EZH2: variants seen among roughly 807,000 people sequenced by gnomAD.
EZH2 encodes histone-lysine N-methyltransferase EZH2.
In EZH2, 18 loss-of-function variants were observed where a neutral mutation model predicts 98.4. The ratio of observed to expected loss-of-function variants is 0.18; its 90% CI spans 0.13 to 0.27. The LOEUF is 0.27. Among genes scored for constraint, EZH2 ranks in the 10% least tolerant of loss-of-function variants. The pLI is 1.00. For missense variants in EZH2, 470 were observed against 935.1 expected (o/e 0.50, Z 6.49); for synonymous variants, 338 against 312.3 (o/e 1.08, Z -0.87).
intron 1 of EZH2, among the ~76,000 whole-genome samples, chr7:148,855,945 T>C (rs1290301948): frequency 1.4e-5 from 2 of 140,374 alleles, no homozygotes; most frequent in Non-Finnish European, 3.1e-5. Context: ...ACTACATAAA[T>C]GGCAGATGAG....
chr7:148,861,845 AT>A (rs1245367492), intron 1 of EZH2, among the ~76,000 whole-genome samples: 1 of 151,534 alleles, frequency 6.6e-6, no homozygotes, highest in Non-Finnish European at 1.5e-5. Context: ...GGTGCTTTAC[AT>A]TTTTGCCAAT....
intron 1 of EZH2, among the ~76,000 whole-genome samples, chr7:148,851,782 G>C (rs1284790123): frequency 6.6e-6 from 1 of 152,094 alleles, no homozygotes; most frequent in Non-Finnish European, 1.5e-5. Context: ...GAGGTGGGAG[G>C]ATCTCTTGAG....
At chr7:148,822,290 A>T (rs1465829807) in intron 8 of EZH2, among the ~76,000 whole-genome samples, 1 of 145,038 alleles carries the variant, frequency 6.9e-6, no homozygotes, top group Admixed American at 6.6e-5. Context: ...CGGGCAGATC[A>T]CTTGAGGTCA....
rs17171125 is a variant in EZH2 at position 148,830,587 on chromosome 7, T to G, written c.364-739A>C. Among the ~76,000 whole-genome samples the G allele has an allele frequency of 3.2e-3, 494 of 152,328 alleles. 2 individuals carry two copies. Among genetic ancestry groups the G allele is most frequent in the African/African-American group, 0.011 (474 of 41,570 alleles). ...TTAAAGTTTATGCCAAAAGGATATG[T>G]ACTTATATGTAAAATAAGAACATTC... On this transcript the variant is annotated intron_variant, in intron 4 of 19. Transcript: ENST00000320356.
intron 1 of EZH2, chr7:148,876,285 T>C (rs1045875256): frequency 6.8e-6 from 1 of 146,456 alleles, no homozygotes; most frequent in African/African-American, 2.6e-5. Flanking sequence ...AGACTCCATC[T>C]TGGAGGGAAA....
At chr7:148,824,106 G>A (rs1193323833) in intron 8 of EZH2, among the ~76,000 whole-genome samples, 1 of 151,516 alleles carries the variant, frequency 6.6e-6, no homozygotes, top group Non-Finnish European at 1.5e-5. Context: ...CTTGAGGTCA[G>A]GAGTTCAAGA....
chr7:148,857,273 G>A (rs1816969518), intron 1 of EZH2, among the ~76,000 whole-genome samples: 1 of 152,182 alleles, frequency 6.6e-6, no homozygotes, highest in South Asian at 2.1e-4. Context: ...TAGGAGACAT[G>A]ATAACTAAAT....
At chr7:148,869,769 T>C (rs1819070179) in intron 1 of EZH2, among the ~76,000 whole-genome samples, 1 of 152,198 alleles carries the variant, frequency 6.6e-6, no homozygotes, top group Admixed American at 6.5e-5. Flanking sequence ...AAACACAAGT[T>C]GTTCCATTAT....
intron 15 of EZH2, 135 bp downstream of exon 15, chr7:148,813,824 C>T (rs1260642483): frequency 1.0e-5 from 9 of 890,066 alleles, no homozygotes; most frequent in Non-Finnish European, 1.5e-5. Flanking sequence ...AAATTATGAA[C>T]ACTTTCTCAT....
chr7:148,809,009 C>T lies in EZH2; in HGVS notation c.2195+62G>A, dbSNP rs1584861657. ...AAAGAACTAAAAACCCTCCTTTGTC[C>T]AGAGTTCACAATCCAGTAGAAAAAG... On this transcript the variant is annotated intron_variant, in intron 19 of 19. Coordinates refer to ENST00000320356, the MANE Select transcript of EZH2 (RefSeq NM_004456.5). 3.6e-6 allele frequency: 5 copies of T among 1,379,292 alleles called. No individual in the cohort carries two copies. In the South Asian group the frequency reaches 6.0e-5, roughly 16 times the overall value. The allele number at this position is 1,379,292 out of a possible 1,614,324, so 85.4% of individuals were successfully genotyped here. A position where few individuals can be genotyped will look rare whatever the true frequency, so the allele number is the denominator to read the frequency against.
intron 3 of EZH2, among the ~76,000 whole-genome samples, chr7:148,845,314 T>C (rs902315943): frequency 4.6e-5 from 7 of 152,182 alleles, no homozygotes; most frequent in African/African-American, 1.7e-4. Context: ...AAAGAATCCC[T>C]TTCCCCCATG....
chr7:148,815,714 G>A (rs559511807), intron 12 of EZH2, among the ~76,000 whole-genome samples, 168 bp from the exon 13 acceptor site: 3 of 152,356 alleles, frequency 2.0e-5, no homozygotes, highest in Admixed American at 6.5e-5. Context: ...AACTCAAACA[G>A]CTTGATGGCT....
rs112176133 is a variant in EZH2 at position 148,871,368 on chromosome 7, A to T, written c.-8+12796T>A. 9.9e-3 allele frequency among the ~76,000 whole-genome samples: 1,483 copies of T among 149,394 alleles called. 23 individuals carry two copies. Among genetic ancestry groups the T allele is most frequent in the African/African-American group, 0.035 (1,413 of 40,470 alleles). Reference sequence around the variant, plus strand: ...TATACAGTCATCCCACAGCATATGCAGAAGAGTGGTTCCAAAAAATAAAAG... The same window carrying T: ...TATACAGTCATCCCACAGCATATGCTGAAGAGTGGTTCCAAAAAATAAAAG... On this transcript the variant is annotated intron_variant, in intron 1 of 19. Coordinates refer to ENST00000320356, the MANE Select transcript of EZH2 (RefSeq NM_004456.5).
chr7:148,879,651 C>T (rs1820680483), intron 1 of EZH2, among the ~76,000 whole-genome samples: 1 of 152,034 alleles, frequency 6.6e-6, no homozygotes, highest in African/African-American at 2.4e-5. Context: ...GATGGTGCCA[C>T]TGCACTCCAG....
intron 1 of EZH2, among the ~76,000 whole-genome samples, chr7:148,881,061 T>G (rs983196312): frequency 6.6e-6 from 1 of 152,240 alleles, no homozygotes; most frequent in African/African-American, 2.4e-5. Context: ...TGTTCACTTA[T>G]GCTCTCCCCC....
intron 3 of EZH2, among the ~76,000 whole-genome samples, chr7:148,843,916 A>G (rs1157784283): frequency 1.3e-5 from 2 of 152,126 alleles, no homozygotes; most frequent in African/African-American, 4.8e-5. Flanking sequence ...TAAGTTTAAG[A>G]CCTGACAAAA....
At chr7:148,867,892 A>G (rs1818770111) in intron 1 of EZH2, among the ~76,000 whole-genome samples, 1 of 152,212 alleles carries the variant, frequency 6.6e-6, no homozygotes, top group South Asian at 2.1e-4. Flanking sequence ...TTAAAGTTCA[A>G]CAGATCCCTA....
chr7:148,815,678 G>C (rs1334697086), intron 12 of EZH2, 132 bp from the exon 13 acceptor site: 4 of 773,758 alleles, frequency 5.2e-6, no homozygotes, highest in Admixed American at 2.3e-5. Context: ...GCCCTGCCCA[G>C]TTTATATTTG....
intron 3 of EZH2, among the ~76,000 whole-genome samples, chr7:148,835,821 T>G (rs1162126103): frequency 6.6e-6 from 1 of 152,194 alleles, no homozygotes; most frequent in African/African-American, 2.4e-5. Context: ...GAGAATGAGT[T>G]TTCAACTATG....
Sources: allele counts gnomAD v4.1 joint callset (sites outside exome capture counted in the v4.1 genomes callset), GRCh38; gene constraint gnomAD v4.1.1; transcripts MANE v1.5; gene names NCBI Gene and HGNC (gene_info 2026-07-23, HGNC 2026-07-21).